The following WWC1 variants were observed in gnomAD, a reference collection of about 807,000 sequenced individuals.
WWC1 encodes the protein WW and C2 domain containing 1.
WWC1 carries 55 observed loss-of-function variants against 138.4 expected under a neutral mutation model. That is an observed-to-expected ratio of 0.40 (90% CI 0.32 to 0.50). The LOEUF (loss-of-function observed/expected upper bound fraction) is 0.50, where lower values mean the gene tolerates loss of function less well. Ranked by LOEUF, WWC1 falls within the 20% of genes least tolerant of loss-of-function variation. The pLI, the probability that WWC1 is intolerant of heterozygous loss-of-function variation, is 0.72. For synonymous variants in WWC1, 524 were observed against 564.9 expected (o/e 0.93, Z 1.03); for missense variants, 1,226 against 1,420.4 (o/e 0.86, Z 2.20).
chr5:168,435,863 T>G (rs1180937118), intron 15 of WWC1, among the ~76,000 whole-genome samples: 1 of 151,966 alleles, frequency 6.6e-6, no homozygotes, highest in African/African-American at 2.4e-5. Flanking sequence ...TTTTTTTTAT[T>G]TTTGAGACAG....
At chr5:168,383,062 G>C (rs1777767437) in intron 2 of WWC1, among the ~76,000 whole-genome samples, 1 of 151,846 alleles carries the variant, frequency 6.6e-6, no homozygotes, top group African/African-American at 2.4e-5. Context: ...TGTAATCCCA[G>C]CTACTTGGGA....
intron 1 of WWC1, among the ~76,000 whole-genome samples, chr5:168,338,109 G>A (rs569705849): frequency 1.8e-4 from 28 of 152,048 alleles, no homozygotes; most frequent in Admixed American, 7.9e-4. Flanking sequence ...TCAGGAGTTC[G>A]AGACCGGTCT....
At position 168,292,278 on chromosome 5, in the gene WWC1, C is replaced by A. The variant is rs1269370993; in HGVS notation, c.119+7C>A. 2 of 1,591,594 alleles carry A rather than the reference C, an allele frequency of 1.3e-6. No individual in the cohort carries two copies. The highest frequency in any genetic ancestry group is 1.7e-6 in the Non-Finnish European group (2 of 1,170,064). On this transcript the variant is annotated splice_region_variant and intron_variant, in intron 1 of 22. Coordinates refer to ENST00000265293, the MANE Select transcript of WWC1 (RefSeq NM_015238.3). The surrounding 1 kb of genome is among the most constrained non-coding windows in gnomAD (Gnocchi z 4.4). ...GGATCGACCCGCGGGACAGGTAGGA[C>A]CCTGGAACCCTCCTCCGTGCCCCCA...
intron 1 of WWC1, among the ~76,000 whole-genome samples, chr5:168,335,683 A>C (rs545987267): frequency 1.3e-5 from 2 of 152,358 alleles, no homozygotes; most frequent in East Asian, 3.9e-4. Context: ...GTGGCTCCCA[A>C]GCCTCTGTTC....
chr5:168,306,119 C>T (rs576004983), intron 1 of WWC1, among the ~76,000 whole-genome samples: 16 of 152,228 alleles, frequency 1.1e-4, no homozygotes, highest in South Asian at 1.0e-3. Flanking sequence ...GGGAGATGGC[C>T]GGGTGCAGTG....
chr5:168,329,780 G>A (rs1429075951), intron 1 of WWC1, among the ~76,000 whole-genome samples: 1 of 152,156 alleles, frequency 6.6e-6, no homozygotes, highest in African/African-American at 2.4e-5. Context: ...AAGATAAAGG[G>A]GAAAGTGAAA....
intron 2 of WWC1, among the ~76,000 whole-genome samples, chr5:168,382,073 G>A (rs1777679667): frequency 1.3e-5 from 2 of 152,254 alleles, no homozygotes; most frequent in South Asian, 4.1e-4. Context: ...AGCATTGAAT[G>A]TAGTAGCAAA....
chr5:168,355,012 A>G (rs1229341177), intron 1 of WWC1, among the ~76,000 whole-genome samples: 4 of 152,174 alleles, frequency 2.6e-5, no homozygotes, highest in Non-Finnish European at 5.9e-5. Context: ...CATTCAGCAG[A>G]TATTAGGGAG....
At chr5:168,361,411 C>T (rs1041969396) in intron 1 of WWC1, among the ~76,000 whole-genome samples, 1 of 152,166 alleles carries the variant, frequency 6.6e-6, no homozygotes, top group Non-Finnish European at 1.5e-5. Context: ...AAGAGCCCAC[C>T]TCCCAACCTC....
chr5:168,375,764 A>C lies in WWC1; in HGVS notation c.229+4231A>C, dbSNP rs1043792617. On this transcript the variant is annotated intron_variant, in intron 2 of 22. Coordinates refer to ENST00000265293, the MANE Select transcript of WWC1 (RefSeq NM_015238.3). ...TCATTTTTGTAATTTTAGTGGAGAC[A>C]GGGTTTCACCTTGTTGGCCAGGCTG... Among the ~76,000 whole-genome samples, 10 of 152,032 alleles carry C rather than the reference A, an allele frequency of 6.6e-5. No individual in the cohort carries two copies. The East Asian group carries it at 2.0e-3, about 30-fold the overall frequency.
rs1554104773 is a variant in WWC1, at chr5:168,403,074, C to CTTTCTTTCT, written c.591-3117_591-3116insCTTTTCTTT. The stretch of plus-strand genomic sequence containing the variant: ...TCTTTCTTTCTTTCTTTCTTTCTTT[C>CTTTCTTTCT]TTTCTTTTCTTTCTTTTCTTTCTTT... On this transcript the variant is annotated intron_variant, in intron 5 of 22. Coordinates refer to ENST00000265293, the MANE Select transcript of WWC1 (RefSeq NM_015238.3). Among the ~76,000 whole-genome samples the CTTTCTTTCT allele has an allele frequency of 9.7e-5, 11 of 113,530 alleles. No homozygotes were observed. In the East Asian group the frequency reaches 1.7e-3, roughly 17 times the overall value. The allele number at this position is 113,530 out of a possible 152,430, so 74.5% of individuals were successfully genotyped here.
intron 8 of WWC1, among the ~76,000 whole-genome samples, chr5:168,410,575 G>A (rs1385364154): frequency 6.6e-6 from 1 of 152,104 alleles, no homozygotes; most frequent in African/African-American, 2.4e-5. Context: ...TAATTACTTT[G>A]TTTTCTTTTT....
intron 1 of WWC1, among the ~76,000 whole-genome samples, chr5:168,354,750 G>A (rs977772820): frequency 2.6e-5 from 4 of 152,100 alleles, no homozygotes; most frequent in African/African-American, 7.2e-5. Flanking sequence ...CTCAGGGCCC[G>A]TTCTTTGGTC....
chr5:168,440,913 C>T (rs778446737), intron 15 of WWC1, among the ~76,000 whole-genome samples: 1 of 152,154 alleles, frequency 6.6e-6, no homozygotes, highest in Non-Finnish European at 1.5e-5. Context: ...TGTCCATCAA[C>T]AGATGGCTGG....
rs1477214805 is a variant in WWC1 at position 168,472,199 on chromosome 5, A to T, written c.*3182A>T. 6.6e-6 allele frequency: 1 copy of T among 152,260 alleles called. No individual in the cohort carries two copies. The highest frequency in any genetic ancestry group is 2.4e-5 in the African/African-American group (1 of 41,468). 9.4% of individuals were successfully genotyped at this position (152,260 alleles called of 1,614,324 possible). ...GAAGGCAGCAGACCCTCTTCCAGCC[A>T]TGGATGGAGTTGAATTCTCTATAAA... On this transcript the variant is annotated 3_prime_UTR_variant, in exon 23 of 23. Transcript: ENST00000265293.
chr5:168,428,601 A>G (rs1037729930), intron 12 of WWC1, 106 bp from the exon 13 acceptor site: 1 of 1,109,390 alleles, frequency 9.0e-7, no homozygotes, highest in Non-Finnish European at 1.3e-6. Context: ...CCTGAAGGGA[A>G]GCTGAGCAAA....
At chr5:168,309,335 A>G (rs1561591397) in intron 1 of WWC1, among the ~76,000 whole-genome samples, 2 of 146,496 alleles carry the variant, frequency 1.4e-5, no homozygotes, top group Non-Finnish European at 1.5e-5. Flanking sequence ...CGAAAATTGA[A>G]TCCAGTCCTG....
intron 1 of WWC1, among the ~76,000 whole-genome samples, chr5:168,334,127 G>A (rs1375101165): frequency 6.6e-6 from 1 of 150,506 alleles, no homozygotes; most frequent in Non-Finnish European, 1.5e-5. Context: ...GTGAGGCTGA[G>A]GAGGGAGGAC....
At chr5:168,406,663 C>T (rs149083479) in intron 6 of WWC1, among the ~76,000 whole-genome samples, 52 of 152,106 alleles carry the variant, frequency 3.4e-4, no homozygotes, top group African/African-American at 1.2e-3. Flanking sequence ...GAGAGTCGGC[C>T]GGGCGCGGTG....
Sources: allele counts gnomAD v4.1 joint callset (sites outside exome capture counted in the v4.1 genomes callset), GRCh38; gene constraint gnomAD v4.1.1; non-coding constraint Gnocchi (gnomAD v3.1); transcripts MANE v1.5; gene names NCBI Gene and HGNC (gene_info 2026-07-23, HGNC 2026-07-21).